Variants in CTNND2 observed in about 807,000 individuals in gnomAD.
CTNND2 encodes catenin delta-2.
CTNND2 carries 22 observed loss-of-function variants against 144.4 expected under a neutral mutation model. The observed-to-expected ratio is 0.15, with a 90% CI of 0.11 to 0.22. CTNND2 has a LOEUF of 0.22. Ranked by LOEUF, CTNND2 falls within the 10% of genes least tolerant of loss-of-function variation. The pLI is 1.00. For missense variants in CTNND2, 1,353 were observed against 1,618.8 expected (o/e 0.84, Z 2.82); for synonymous variants, 751 against 695.6 (o/e 1.08, Z -1.25).
intron 9 of CTNND2, among the ~76,000 whole-genome samples, chr5:11,270,722 T>C (rs1745911012): frequency 6.6e-6 from 1 of 152,198 alleles, no homozygotes; most frequent in Non-Finnish European, 1.5e-5. Context: ...CTCTTAATAC[T>C]TCCTTTGGTT....
At chr5:11,722,311 A>G (rs1786734324) in intron 2 of CTNND2, among the ~76,000 whole-genome samples, 1 of 152,178 alleles carries the variant, frequency 6.6e-6, no homozygotes. Context: ...TTCTTCTATG[A>G]AGATTCTATT....
chr5:11,853,766 G>T (rs1295517984), intron 1 of CTNND2, among the ~76,000 whole-genome samples: 1 of 152,182 alleles, frequency 6.6e-6, no homozygotes, highest in East Asian at 1.9e-4. Context: ...CTCTCCCATT[G>T]TACACCTAAT....
chr5:11,315,980 C>T (rs964879096), intron 9 of CTNND2, among the ~76,000 whole-genome samples: 2 of 152,144 alleles, frequency 1.3e-5, no homozygotes, highest in African/African-American at 4.8e-5. Flanking sequence ...ATTAAAATGC[C>T]TGTTGAGACC....
intron 2 of CTNND2, among the ~76,000 whole-genome samples, chr5:11,691,099 C>T (rs1784887258): frequency 6.6e-6 from 1 of 152,102 alleles, no homozygotes; most frequent in African/African-American, 2.4e-5. Flanking sequence ...TGGCCGGGCG[C>T]GGTGGCTCAC....
chr5:11,053,987 A>T (rs985002497), intron 16 of CTNND2, among the ~76,000 whole-genome samples: 1 of 152,266 alleles, frequency 6.6e-6, no homozygotes, highest in Non-Finnish European at 1.5e-5. Context: ...TGTGCCTACA[A>T]TAAAACGAAA....
intron 10 of CTNND2, among the ~76,000 whole-genome samples, chr5:11,211,357 T>C (rs1348788761): frequency 6.6e-6 from 1 of 152,108 alleles, no homozygotes; most frequent in African/African-American, 2.4e-5. Context: ...ACTCATTGCT[T>C]TTAAAGACCA....
chr5:11,045,854 C>G (rs1197195854), intron 16 of CTNND2, among the ~76,000 whole-genome samples: 1 of 152,190 alleles, frequency 6.6e-6, no homozygotes, highest in African/African-American at 2.4e-5. Flanking sequence ...CCTCTCCCAT[C>G]CCTCCTTTAT....
chr5:11,866,310 A>G (rs1014589973), intron 1 of CTNND2, among the ~76,000 whole-genome samples: 8 of 152,200 alleles, frequency 5.3e-5, no homozygotes, highest in Admixed American at 1.3e-4. Flanking sequence ...CTCTAAAAAA[A>G]CCTTTAAGAA....
chr5:11,308,033 C>T (rs970748480), intron 9 of CTNND2, among the ~76,000 whole-genome samples: 4 of 152,312 alleles, frequency 2.6e-5, no homozygotes, highest in African/African-American at 4.8e-5. Context: ...AGTACACTGG[C>T]CCTCACCACA....
intron 10 of CTNND2, among the ~76,000 whole-genome samples, chr5:11,223,941 T>C (rs765756678): frequency 1.3e-5 from 2 of 152,204 alleles, no homozygotes; most frequent in African/African-American, 4.8e-5. Context: ...ATATGGCAGC[T>C]AGTAGCAGTG....
At position 11,085,072 on chromosome 5, in the gene CTNND2, T is replaced by C. The variant is rs61755749; in HGVS notation, c.2638-2226A>G. Among the ~76,000 whole-genome samples the C allele has an allele frequency of 6.0e-3, 911 of 152,166 alleles. 11 individuals carry two copies. The highest frequency in any genetic ancestry group is 0.019 in the African/African-American group (800 of 41,494). On this transcript the variant is annotated intron_variant, in intron 15 of 21. Transcript: ENST00000304623. ...ATGGACATAACTTTGTCCTTAGAAG[T>C]CCAGGTACTAGCCACACCCCCCAAT...
chr5:11,459,559 A>C (rs958272020), intron 3 of CTNND2, among the ~76,000 whole-genome samples: 3 of 152,214 alleles, frequency 2.0e-5, no homozygotes, highest in Non-Finnish European at 4.4e-5. Context: ...CTGACTTTTC[A>C]TGCTGCTAAG....
chr5:11,712,293 T>C (rs955803409), intron 2 of CTNND2, among the ~76,000 whole-genome samples: 8 of 146,186 alleles, frequency 5.5e-5, no homozygotes, highest in East Asian at 2.1e-4. Context: ...AATGCTTTCA[T>C]TGCATTTTTT....
At chr5:11,667,524 G>T (rs187163015) in intron 2 of CTNND2, among the ~76,000 whole-genome samples, 3 of 152,314 alleles carry the variant, frequency 2.0e-5, no homozygotes, top group Non-Finnish European at 4.4e-5. Flanking sequence ...CAGTGATGAT[G>T]AGCATTTTTT....
At chr5:11,578,554 G>A (rs1778145991) in intron 2 of CTNND2, among the ~76,000 whole-genome samples, 1 of 152,048 alleles carries the variant, frequency 6.6e-6, no homozygotes, top group Admixed American at 6.6e-5. Flanking sequence ...CCAGCTTCTT[G>A]GGAGGCTGAG....
intron 2 of CTNND2, among the ~76,000 whole-genome samples, chr5:11,642,763 T>C (rs780493284): frequency 2.6e-5 from 4 of 152,218 alleles, no homozygotes; most frequent in Admixed American, 2.0e-4. Flanking sequence ...TTTCTTATCA[T>C]TATGTGCCAG....
chr5:11,815,891 A>G (rs907522614), intron 1 of CTNND2, among the ~76,000 whole-genome samples: 9 of 152,146 alleles, frequency 5.9e-5, no homozygotes, highest in Non-Finnish European at 1.0e-4. Context: ...GGGAGCAGAG[A>G]AAAGGCTCCT....
At chr5:11,225,898 A>T (rs752229618) in intron 10 of CTNND2, among the ~76,000 whole-genome samples, 4 of 152,226 alleles carry the variant, frequency 2.6e-5, no homozygotes, top group Non-Finnish European at 5.9e-5. Context: ...ATCCAGTACA[A>T]CATAAGCCCT....
intron 3 of CTNND2, among the ~76,000 whole-genome samples, chr5:11,536,996 A>C (rs1046407683): frequency 2.6e-5 from 4 of 152,220 alleles, no homozygotes; most frequent in Middle Eastern, 3.4e-3. Context: ...GGGATTTAGA[A>C]TACAAGTTCT....
Sources: gnomAD v4.1 joint callset for allele counts (sites outside exome capture counted in the v4.1 genomes callset) on GRCh38, gnomAD v4.1.1 for gene constraint, MANE v1.5 for transcripts, NCBI Gene and HGNC (gene_info 2026-07-23, HGNC 2026-07-21) for gene names.